KCNN2: variants seen among roughly 807,000 people sequenced by gnomAD.
The protein encoded by KCNN2 is small conductance calcium-activated potassium channel protein 2.
Under a neutral mutation model 55.5 loss-of-function variants are expected in KCNN2, and 24 were observed. That is an observed-to-expected ratio of 0.43 (90% confidence interval 0.31 to 0.61). KCNN2 has a LOEUF of 0.61. Among genes scored for constraint, KCNN2 ranks in the 20% least tolerant of loss-of-function variants. KCNN2 has a pLI of 0.08. For synonymous variants in KCNN2, 431 were observed against 336.1 expected, an observed-to-expected ratio of 1.28 and a Z score of -3.09; for missense variants, 754 against 853.6, an observed-to-expected ratio of 0.88 and a Z score of 1.45.
intron 2 of KCNN2, among the ~76,000 whole-genome samples, chr5:114,291,337 C>A (rs573674104): frequency 6.6e-5 from 10 of 152,036 alleles, no homozygotes; most frequent in Non-Finnish European, 1.2e-4. Flanking sequence ...TATCCCTCCC[C>A]CCTCTCCTCA....
At chr5:114,422,249 T>C (rs1759492460) in intron 3 of KCNN2, among the ~76,000 whole-genome samples, 1 of 152,144 alleles carries the variant, frequency 6.6e-6, no homozygotes, top group Non-Finnish European at 1.5e-5. Context: ...GAAACCTAAT[T>C]TCCAGTGTGA....
At chr5:114,072,812 G>A (rs757989942) in intron 1 of KCNN2, among the ~76,000 whole-genome samples, 7 of 151,628 alleles carry the variant, frequency 4.6e-5, no homozygotes, top group Non-Finnish European at 8.8e-5. Flanking sequence ...GGAGGTAACA[G>A]TATCTACTTT....
chr5:114,143,434 G>A (rs1203794531), intron 1 of KCNN2, among the ~76,000 whole-genome samples: 1 of 152,112 alleles, frequency 6.6e-6, no homozygotes, highest in Non-Finnish European at 1.5e-5. Flanking sequence ...CAACCGGTTA[G>A]ACCAAAAATT....
intron 1 of KCNN2, among the ~76,000 whole-genome samples, chr5:114,199,827 T>G (rs962775703): frequency 6.6e-6 from 1 of 152,112 alleles, no homozygotes; most frequent in Non-Finnish European, 1.5e-5. Flanking sequence ...ACTTTGAAAG[T>G]GCCATCTCAT....
At chr5:114,094,572 A>T (rs1751218092) in intron 1 of KCNN2, among the ~76,000 whole-genome samples, 1 of 152,240 alleles carries the variant, frequency 6.6e-6, no homozygotes, top group Non-Finnish European at 1.5e-5. Flanking sequence ...TGCTTTGTGA[A>T]CAATAAGAAA....
intron 7 of KCNN2, among the ~76,000 whole-genome samples, chr5:114,494,406 T>C (rs1312552397): frequency 6.7e-6 from 1 of 149,944 alleles, no homozygotes; most frequent in Non-Finnish European, 1.5e-5. Flanking sequence ...TACTAGATGT[T>C]GAAGACAGTA....
chr5:114,345,744 G>T (rs761133116), intron 2 of KCNN2, among the ~76,000 whole-genome samples: 5 of 152,090 alleles, frequency 3.3e-5, no homozygotes, highest in Non-Finnish European at 5.9e-5. Context: ...CATGGCAGTA[G>T]CATCTGCTTG....
chr5:114,212,209 A>C (rs1753901227), intron 1 of KCNN2, among the ~76,000 whole-genome samples: 1 of 152,078 alleles, frequency 6.6e-6, no homozygotes, highest in Non-Finnish European at 1.5e-5. Flanking sequence ...TTATTTGGCC[A>C]TAAAGGAAAT....
intron 2 of KCNN2, among the ~76,000 whole-genome samples, chr5:114,280,886 T>C (rs763906601): frequency 1.2e-4 from 18 of 152,168 alleles, no homozygotes; most frequent in Non-Finnish European, 2.2e-4. Context: ...CCTTGTTTCC[T>C]AAAACTCTTG....
intron 6 of KCNN2, among the ~76,000 whole-genome samples, chr5:114,491,382 C>G (rs1282444619): frequency 6.6e-6 from 1 of 151,846 alleles, no homozygotes; most frequent in Non-Finnish European, 1.5e-5. Flanking sequence ...CATTTTTATA[C>G]AAATGGATTA....
chr5:114,115,108 CT>C (rs1186700732), intron 1 of KCNN2, among the ~76,000 whole-genome samples: 2 of 152,064 alleles, frequency 1.3e-5, no homozygotes, highest in Admixed American at 1.3e-4. Context: ...TCTCTTTGCT[CT>C]GAATGAATTT....
intron 1 of KCNN2, among the ~76,000 whole-genome samples, chr5:114,111,153 C>T (rs1303869364): frequency 2.0e-5 from 3 of 152,050 alleles, no homozygotes; most frequent in African/African-American, 7.2e-5. Flanking sequence ...TGGAACAGAA[C>T]AGAGGCCTCA....
chr5:114,126,503 G>A (rs186650093), intron 1 of KCNN2, among the ~76,000 whole-genome samples: 1 of 152,142 alleles, frequency 6.6e-6, no homozygotes, highest in Admixed American at 6.5e-5. Context: ...ATGAGAACAG[G>A]ATGTAGGAAT....
intron 1 of KCNN2, chr5:114,057,214 A>G (rs1750228193): frequency 6.6e-6 from 1 of 152,194 alleles, no homozygotes; most frequent in Non-Finnish European, 1.5e-5. Flanking sequence ...GGGTAGTTAA[A>G]ACAAAAATCA....
intron 2 of KCNN2, among the ~76,000 whole-genome samples, chr5:114,260,939 A>T (rs1755095884): frequency 6.6e-6 from 1 of 152,208 alleles, no homozygotes; most frequent in Admixed American, 6.5e-5. Flanking sequence ...GGAAGAGGAA[A>T]AAAGAAGATT....
intron 2 of KCNN2, among the ~76,000 whole-genome samples, chr5:114,240,934 T>A (rs575310028): frequency 1.4e-4 from 22 of 152,174 alleles, no homozygotes; most frequent in Non-Finnish European, 2.9e-4. Context: ...TTATTAACTC[T>A]CAGGCAGATT....
intron 1 of KCNN2, among the ~76,000 whole-genome samples, chr5:114,093,261 A>G (rs1751186798): frequency 6.6e-6 from 1 of 152,096 alleles, no homozygotes; most frequent in South Asian, 2.1e-4. Context: ...TTCAGTTCCC[A>G]ATGAGTTCCT....
chr5:114,436,219 A>G (rs547874871), intron 3 of KCNN2, among the ~76,000 whole-genome samples: 1 of 152,372 alleles, frequency 6.6e-6, no homozygotes, highest in East Asian at 1.9e-4. Flanking sequence ...TGGTGTTACA[A>G]GTACCAAAGT....
At chr5:114,297,766 ATATGT>A (rs747056224) in intron 2 of KCNN2, among the ~76,000 whole-genome samples, 8 of 152,220 alleles carry the variant, frequency 5.3e-5, no homozygotes, top group Non-Finnish European at 1.2e-4. Flanking sequence ...CATTAAAATA[ATATGT>A]TATCAGAGTT....
Sources: allele counts gnomAD v4.1 joint callset (sites outside exome capture counted in the v4.1 genomes callset), GRCh38; gene constraint gnomAD v4.1.1; transcripts MANE v1.5; gene names NCBI Gene and HGNC (gene_info 2026-07-23, HGNC 2026-07-21).